The following MARF1 variants were observed in gnomAD, a reference collection of about 807,000 sequenced individuals.
MARF1 encodes limkain-b1.
In MARF1, 24 loss-of-function variants were observed where a neutral mutation model predicts 168.2. The ratio of observed to expected loss-of-function variants is 0.14; its 90% CI spans 0.10 to 0.20. MARF1 has a LOEUF of 0.20. MARF1 is among the 10% of genes least tolerant of loss of function. The pLI, the probability that MARF1 is intolerant of heterozygous loss-of-function variation, is 1.00. For missense variants in MARF1, 1,744 were observed against 2,143.6 expected, an observed-to-expected ratio of 0.81 and a Z score of 3.68; for synonymous variants, 868 against 822.4, an observed-to-expected ratio of 1.06 and a Z score of -0.95.
chr16:15,640,557 G>A (rs1391712182), intron 1 of MARF1, among the ~76,000 whole-genome samples: 2 of 152,110 alleles, frequency 1.3e-5, no homozygotes, highest in Non-Finnish European at 1.5e-5. Flanking sequence ...TTAGCTGAGC[G>A]TGGTGGTGCA....
intron 1 of MARF1, among the ~76,000 whole-genome samples, chr16:15,641,599 C>T (rs2035966596): frequency 6.6e-6 from 1 of 151,934 alleles, no homozygotes; most frequent in Non-Finnish European, 1.5e-5. Flanking sequence ...GTGCTTGGCA[C>T]AAGGAATATA....
rs1178284981 is a variant in MARF1, at chr16:15,597,055, C to G, written c.4985-118G>C. On this transcript the variant is annotated intron_variant, in intron 26 of 26. Transcript: ENST00000396368. ...AATAGTAATAAAAAGCTTCTAAATGCTACATCTATGCCACAGTTTACATAT... is the reference window on the plus strand; with the variant it reads ...AATAGTAATAAAAAGCTTCTAAATGGTACATCTATGCCACAGTTTACATAT... 6 of 1,157,580 alleles carry G rather than the reference C, an allele frequency of 5.2e-6. No individual in the cohort carries two copies. The African/African-American group carries it at 9.3e-5, about 18-fold the overall frequency. The allele number at this position is 1,157,580 out of a possible 1,614,324, so 71.7% of individuals were successfully genotyped here. A position where few individuals can be genotyped will look rare whatever the true frequency, so the allele number is the denominator to read the frequency against.
chr16:15,614,069 G>A (rs1331281897), intron 16 of MARF1, among the ~76,000 whole-genome samples: 1 of 152,132 alleles, frequency 6.6e-6, no homozygotes, highest in Non-Finnish European at 1.5e-5. Flanking sequence ...AAATACCTTG[G>A]TCTTTTAAAT....
In MARF1 at chr16:15,600,193, G is replaced by T. The variant is rs2032269705; in HGVS notation, c.4813+235C>A. 2.0e-5 allele frequency among the ~76,000 whole-genome samples: 3 copies of T among 152,114 alleles called. No homozygotes were observed. The South Asian group carries it at 6.2e-4, about 32-fold the overall frequency. ...TGAACTGGGGTAAGATGATCATTAT[G>T]GGGGTGCCAACATCCTTCAGGGACT... On this transcript the variant is annotated intron_variant, in intron 25 of 26. Transcript: ENST00000396368.
At chr16:15,608,195 A>G in intron 21 of MARF1, 96 bp downstream of exon 21, 1 of 770,248 alleles carries the variant, frequency 1.3e-6, no homozygotes, top group Non-Finnish European at 2.1e-6. Context: ...GTAAATAAAG[A>G]AACGCTACAG....
rs115550393 is a variant in MARF1 at position 15,602,273 on chromosome 16, C to T, written c.4414-70G>A. The T allele has an allele frequency of 2.6e-3, 3,323 of 1,276,854 alleles. 70 individuals are homozygous for T. The African/African-American group carries it at 0.044, about 17-fold the overall frequency. 79.1% of individuals were successfully genotyped at this position (1,276,854 alleles called of 1,614,324 possible). ...CCTGCCCCGTGGAAAGTGAAGGCCT[C>T]CCACTGAGGGAAAAGGCCCAGAGTT... On this transcript the variant is annotated intron_variant, in intron 22 of 26. Coordinates refer to ENST00000396368, the MANE Select transcript of MARF1 (RefSeq NM_014647.4).
intron 2 of MARF1, among the ~76,000 whole-genome samples, chr16:15,637,851 G>C (rs1461503584): frequency 6.6e-6 from 1 of 152,220 alleles, no homozygotes; most frequent in Non-Finnish European, 1.5e-5. Context: ...AGAAAATAGA[G>C]AATTAAACTG....
chr16:15,617,805 A>G (rs77363563), intron 13 of MARF1, among the ~76,000 whole-genome samples: 1 of 151,986 alleles, frequency 6.6e-6, no homozygotes, highest in African/African-American at 2.4e-5. Context: ...TGACCTCACC[A>G]AATTCTCTTG....
intron 7 of MARF1, among the ~76,000 whole-genome samples, chr16:15,627,815 A>T (rs1264881144): frequency 6.6e-6 from 1 of 152,222 alleles, no homozygotes; most frequent in Non-Finnish European, 1.5e-5. Flanking sequence ...TGTGTTAAAG[A>T]TTAAAAGTCA....
At chr16:15,619,047 G>A (rs2034266664) in intron 13 of MARF1, among the ~76,000 whole-genome samples, 1 of 152,168 alleles carries the variant, frequency 6.6e-6, no homozygotes, top group Non-Finnish European at 1.5e-5. Context: ...AGGCCTAGGA[G>A]GGAGAATCAC....
At chr16:15,603,831 A>G (rs2032756205) in intron 22 of MARF1, among the ~76,000 whole-genome samples, 1 of 152,100 alleles carries the variant, frequency 6.6e-6, no homozygotes, top group African/African-American at 2.4e-5. Flanking sequence ...TCAAGCCACC[A>G]CATAAACCAT....
intron 14 of MARF1, 38 bp from the exon 15 acceptor site, chr16:15,617,209 G>A (rs777829720): frequency 9.9e-6 from 16 of 1,612,192 alleles, no homozygotes; most frequent in Middle Eastern, 1.6e-4. Context: ...CTGACATTCC[G>A]CAGGGGTCTA....
At chr16:15,613,431 C>T (rs1285102872) in intron 16 of MARF1, among the ~76,000 whole-genome samples, 6 of 151,744 alleles carry the variant, frequency 4.0e-5, no homozygotes, top group South Asian at 2.1e-4. Flanking sequence ...GGGCGGATCA[C>T]GAGGTCAGGA....
chr16:15,637,106 G>C (rs2035648909), intron 2 of MARF1, among the ~76,000 whole-genome samples: 1 of 152,164 alleles, frequency 6.6e-6, no homozygotes, highest in Non-Finnish European at 1.5e-5. Context: ...ATACTCAATA[G>C]TTGTATGACC....
At chr16:15,622,062 G>T in intron 11 of MARF1, 151 bp from the exon 12 acceptor site, 2 of 691,340 alleles carry the variant, frequency 2.9e-6, no homozygotes, top group Non-Finnish European at 4.8e-6. Context: ...TGACCAGGAC[G>T]TAAGAAAGTG....
At chr16:15,606,132 G>C (rs1316511840) in intron 21 of MARF1, 2 of 152,282 alleles carry the variant, frequency 1.3e-5, no homozygotes, top group Admixed American at 1.3e-4. Flanking sequence ...GCTGCTGTTG[G>C]GGTGGGAGTG....
chr16:15,625,163 C>T lies in MARF1; in HGVS notation c.1964G>A (p.Arg655His), dbSNP rs1025707920. The T allele has an allele frequency of 1.7e-5, 27 of 1,613,802 alleles. No individual in the cohort carries two copies. The highest frequency in any genetic ancestry group is 2.2e-5 in the East Asian group (1 of 44,894). ...TCTATGACCAGTTTTTGACTCCATG[C>T]GGCACAGCTCCTTCAAAGACACAAG... is the stretch of plus-strand genomic sequence containing the variant. ...TNVKSLQELC[R>H]MESKTGHRNS... Residue 655 changes from arginine (R) to histidine (H), a missense_variant, in exon 9 of 27, where the codon CGC becomes CAC. Arg to His is a conservative substitution (Grantham distance 29, BLOSUM62 0). Transcript: ENST00000396368.
At position 15,594,596 on chromosome 16, in the gene MARF1, G is replaced by A. The variant is rs45452099; in HGVS notation, c.*2097C>T. The stretch of plus-strand genomic sequence containing the variant: ...TTTTTAAACAGATAAATTTAATCCG[G>A]TATATCTTTCCACCCAGAAATAAAG... On this transcript the variant is annotated 3_prime_UTR_variant, in exon 27 of 27. Transcript: ENST00000396368. 338 of 152,574 alleles carry A rather than the reference G, an allele frequency of 2.2e-3. No homozygotes were observed. Among genetic ancestry groups the A allele is most frequent in the Non-Finnish European group, 3.7e-3 (253 of 68,014 alleles). The allele number at this position is 152,574 out of a possible 1,614,324, so 9.5% of individuals were successfully genotyped here.
At position 15,639,235 on chromosome 16, in the gene MARF1, C is replaced by A; in HGVS notation, c.-2G>T. The A allele has an allele frequency of 6.2e-7, 1 of 1,612,802 alleles. No individual in the cohort carries two copies. The highest frequency in any genetic ancestry group is 8.5e-7 in the Non-Finnish European group (1 of 1,179,482). ...CTCAGTTCCGTTTCCTTCCATCATA[C>A]AGCCATGCAAAGTGATTCAACATCC... is the stretch of plus-strand genomic sequence containing the variant. On this transcript the variant is annotated 5_prime_UTR_variant, in exon 2 of 27. Transcript: ENST00000396368.
Sources: allele counts gnomAD v4.1 joint callset (sites outside exome capture counted in the v4.1 genomes callset), GRCh38; gene constraint gnomAD v4.1.1; transcripts MANE v1.5; gene names NCBI Gene and HGNC (gene_info 2026-07-23, HGNC 2026-07-21).